SLC6A18: variants seen among roughly 807,000 people sequenced by gnomAD.
SLC6A18 encodes solute carrier family 6 member 18, also known as inactive sodium-dependent neutral amino acid transporter B(0)AT3.
In SLC6A18, 58 loss-of-function variants were observed where a neutral mutation model predicts 62.9. The observed-to-expected ratio is 0.92, with a 90% confidence interval of 0.75 to 1.15. SLC6A18 has a LOEUF of 1.15. SLC6A18 is among the 50% of genes most tolerant of loss of function. The probability of loss-of-function intolerance (pLI) is 0.00; values close to 1 mark genes in which losing one functional copy is unlikely to be tolerated. For synonymous variants in SLC6A18, 382 were observed against 365.8 expected (o/e 1.04, Z -0.51); for missense variants, 793 against 836.6 (o/e 0.95, Z 0.64).
chr5:1,232,774 T>G lies in SLC6A18; in HGVS notation c.325T>G (p.Phe109Val). 3 of 1,613,488 alleles carry G rather than the reference T, an allele frequency of 1.9e-6. No homozygotes were observed. Among genetic ancestry groups the G allele is most frequent in the Non-Finnish European group, 2.5e-6 (3 of 1,179,944 alleles). Reference protein sequence around the residue: ...GVGLGCVTLSFLISLYYNTIV... With the variant: ...GVGLGCVTLSVLISLYYNTIV... Reference sequence around the variant, plus strand: ...AGGGCTGGGCTGTGTCACGCTGTCCTTCCTGATCAGCCTGTACTACAACAC... The same window carrying G: ...AGGGCTGGGCTGTGTCACGCTGTCCGTCCTGATCAGCCTGTACTACAACAC... The change falls in exon 3 of 12, where the codon TTC becomes GTC. Residue 109 changes from phenylalanine (F) to valine (V), a missense_variant. Phe to Val is a conservative substitution (Grantham distance 50). Coordinates refer to ENST00000324642, the MANE Select transcript of SLC6A18 (RefSeq NM_182632.3).
chr5:1,246,087 G>C lies in SLC6A18; in HGVS notation c.*9G>C. 3 of 1,558,848 alleles carry C rather than the reference G, an allele frequency of 1.9e-6. No homozygotes were observed. The highest frequency in any genetic ancestry group is 2.6e-6 in the Non-Finnish European group (3 of 1,158,302). On this transcript the variant is annotated 3_prime_UTR_variant, in exon 12 of 12. Coordinates refer to ENST00000324642, the MANE Select transcript of SLC6A18 (RefSeq NM_182632.3). ...ACACGGACATGCGCTGAAGCCGGCC[G>C]GAGCGGGGCCTGCATGGGCGGGTCT...
rs148359610 is a variant in SLC6A18, at chr5:1,232,300, G to A, written c.242G>A (p.Arg81Gln). 34 of 1,612,528 alleles carry A rather than the reference G, an allele frequency of 2.1e-5. No individual in the cohort carries two copies. The highest frequency in any genetic ancestry group is 5.3e-5 in the African/African-American group (4 of 75,062). The change falls in exon 2 of 12, where the codon CGG (arginine) becomes CAG (glutamine). Residue 81 changes from arginine to glutamine, a missense_variant. Physicochemically the swap from Arg to Gln is conservative, Grantham distance 43 (BLOSUM62 1). Coordinates refer to ENST00000324642, the MANE Select transcript of SLC6A18 (RefSeq NM_182632.3). ...CACGTCGAGCTCGCCATCGGCCAGC[G>A]GCTGCGGAAGGGCAGCGTCGGCGTG... ...IFHVELAIGQ[R>Q]LRKGSVGVWT...
intron 1 of SLC6A18, among the ~76,000 whole-genome samples, chr5:1,227,891 C>A (rs1257252895): frequency 6.6e-6 from 1 of 152,188 alleles, no homozygotes; most frequent in Non-Finnish European, 1.5e-5. Context: ...AAGGTTTCAA[C>A]CCAGGAAGCT....
intron 1 of SLC6A18, among the ~76,000 whole-genome samples, chr5:1,226,698 C>G (rs560764990): frequency 6.6e-6 from 1 of 152,176 alleles, no homozygotes; most frequent in African/African-American, 2.4e-5. Flanking sequence ...GTGCATTGGG[C>G]CTTGGATCTT....
rs370903284 is a variant in SLC6A18 at position 1,235,637 on chromosome 5, T to C, written c.596T>C (p.Ile199Thr). Residue 199 changes from isoleucine (I) to threonine (T), a missense_variant, in exon 4 of 12, where the codon ATC (isoleucine) becomes ACC (threonine). By Grantham distance (89) the Ile-to-Thr change is moderately conservative. Coordinates refer to ENST00000324642, the MANE Select transcript of SLC6A18 (RefSeq NM_182632.3). Reference protein sequence around the residue: ...ASWAVVYMCVIRGIETTGKVI... With the variant: ...ASWAVVYMCVTRGIETTGKVI... The stretch of plus-strand genomic sequence containing the variant: ...TGGGCAGTCGTGTACATGTGTGTCA[T>C]CAGGGGCATTGAGACTACAGGGAAG... 2.5e-6 allele frequency: 4 copies of C among 1,613,810 alleles called. No homozygotes were observed. In the African/African-American group the frequency reaches 4.0e-5, roughly 16 times the overall value.
Position 1,232,188 on chromosome 5 carries a change from T to TGGGCAAGTAGCATCC in SLC6A18, c.161-26_161-25insAGTAGCATCCGGGCA, listed in dbSNP as rs778050003. The TGGGCAAGTAGCATCC allele has an allele frequency of 3.3e-6, 5 of 1,515,234 alleles. No individual in the cohort carries two copies. The Admixed American group carries it at 8.6e-5, about 26-fold the overall frequency. 93.9% of individuals were successfully genotyped at this position (1,515,234 alleles called of 1,614,324 possible). ...CACAGTCCCCCCCAGCCCCCGACCC[T>TGGGCAAGTAGCATCC]GGGCAGGTGCTGACCACCCCCTCCT... On this transcript the variant is annotated intron_variant, in intron 1 of 11. Coordinates refer to ENST00000324642, the MANE Select transcript of SLC6A18 (RefSeq NM_182632.3).
At chr5:1,229,031 G>A (rs1462173455) in intron 1 of SLC6A18, among the ~76,000 whole-genome samples, 9 of 152,322 alleles carry the variant, frequency 5.9e-5, no homozygotes, top group Non-Finnish European at 1.2e-4. Context: ...GCAGGCCGGG[G>A]AAAGTGCCCT....
rs549321066 is a variant in SLC6A18, at chr5:1,227,118, G to A, written c.160+1481G>A. On this transcript the variant is annotated intron_variant, in intron 1 of 11. Coordinates refer to ENST00000324642, the MANE Select transcript of SLC6A18 (RefSeq NM_182632.3). ...GCCCGCCGACGCCTTGCCCGCCGAC[G>A]CCTTGCCCGTCGATGCCTTGCCCGC... Among the ~76,000 whole-genome samples, 306 of 147,032 alleles carry A rather than the reference G, an allele frequency of 2.1e-3. 1 individual carries two copies. The highest frequency in any genetic ancestry group is 0.014 in the Middle Eastern group (4 of 280).
chr5:1,240,486 A>G, intron 6 of SLC6A18, 45 bp from the exon 7 acceptor site: 1 of 1,609,970 alleles, frequency 6.2e-7, no homozygotes, highest in Non-Finnish European at 8.5e-7. Flanking sequence ...GATGAGGCCC[A>G]GTTACCTCCT....
At chr5:1,238,161 G>A in intron 5 of SLC6A18, 101 bp downstream of exon 5, 1 of 933,928 alleles carries the variant, frequency 1.1e-6, no homozygotes, top group Non-Finnish European at 1.7e-6. Context: ...GAGGCCAGGA[G>A]CCACTCCAGC....
intron 3 of SLC6A18, among the ~76,000 whole-genome samples, chr5:1,234,690 C>T (rs1038129677): frequency 1.3e-5 from 2 of 152,264 alleles, no homozygotes; most frequent in African/African-American, 4.8e-5. Flanking sequence ...GGGGCCAGCT[C>T]TGCCCATGCC....
rs372103685 is a variant in SLC6A18 at position 1,237,970 on chromosome 5, G to A, written c.642G>A (p.Leu214=). 8.1e-6 allele frequency: 13 copies of A among 1,614,182 alleles called. No individual in the cohort carries two copies. Among genetic ancestry groups the A allele is most frequent in the Non-Finnish European group, 1.0e-5 (12 of 1,180,016 alleles). Residue 214 remains leucine (L), a synonymous_variant, in exon 5 of 12, where the codon TTG becomes TTA. Transcript: ENST00000324642. The part of the protein sequence containing the change: ...TTGKVIYFTA[L]FPYLVLTIFL... The stretch of plus-strand genomic sequence containing the variant: ...TCAAGGTGATTTACTTCACAGCTTT[G>A]TTCCCTTACCTGGTCCTGACCATCT...
chr5:1,246,120 G>A lies in SLC6A18; in HGVS notation c.*42G>A, dbSNP rs924665202. The A allele has an allele frequency of 7.2e-6, 11 of 1,521,406 alleles. No homozygotes were observed. The African/African-American group carries it at 8.4e-5, about 12-fold the overall frequency. The allele number at this position is 1,521,406 out of a possible 1,614,324, so 94.2% of individuals were successfully genotyped here. On this transcript the variant is annotated 3_prime_UTR_variant, in exon 12 of 12. Transcript: ENST00000324642. ...GCCTGCATGGGCGGGTCTGTGGGGG[G>A]GCTTGGCCTGATGGTGGGCGGGGCC... is the stretch of plus-strand genomic sequence containing the variant.
intron 3 of SLC6A18, among the ~76,000 whole-genome samples, chr5:1,234,172 C>T (rs1746825571): frequency 6.6e-6 from 1 of 152,244 alleles, no homozygotes; most frequent in Non-Finnish European, 1.5e-5. Context: ...GTGTGAGCCA[C>T]TGCACTCAAC....
At position 1,235,587 on chromosome 5, in the gene SLC6A18, G is replaced by C; in HGVS notation, c.546G>C (p.Trp182Cys). Residue 182 changes from tryptophan (W) to cysteine (C), a missense_variant, in exon 4 of 12, where the codon TGG (tryptophan) becomes TGC (cysteine). By Grantham distance (215) the Trp-to-Cys change is radical (BLOSUM62 -2). Transcript: ENST00000324642. ...DINDSGSIQW[W>C]LLICLAASWA... ...ATGACAGTGGCTCCATCCAGTGGTG[G>C]CTGCTCATCTGCTTGGCAGCCTCCT... 1 of 1,614,074 alleles carries C rather than the reference G, an allele frequency of 6.2e-7. No individual in the cohort carries two copies. The highest frequency in any genetic ancestry group is 8.5e-7 in the Non-Finnish European group (1 of 1,180,040).
At chr5:1,229,514 T>C (rs1446099147) in intron 1 of SLC6A18, among the ~76,000 whole-genome samples, 1 of 151,932 alleles carries the variant, frequency 6.6e-6, no homozygotes, top group Non-Finnish European at 1.5e-5. Flanking sequence ...AGAGCAAGGG[T>C]CAATGGGGCC....
rs1579525054 is a variant in SLC6A18, at chr5:1,229,719, C to T, written c.161-2500C>T. On this transcript the variant is annotated intron_variant, in intron 1 of 11. Coordinates refer to ENST00000324642, the MANE Select transcript of SLC6A18 (RefSeq NM_182632.3). ...GGATGGGTGGCTGGTCACACACCAGCCTTGAGACCTCAGGTGCAGGCTGGA... is the reference window on the plus strand; with the variant it reads ...GGATGGGTGGCTGGTCACACACCAGTCTTGAGACCTCAGGTGCAGGCTGGA... Among the ~76,000 whole-genome samples the T allele has an allele frequency of 2.0e-5, 3 of 152,216 alleles. No individual in the cohort carries two copies. The East Asian group carries it at 5.8e-4, about 29-fold the overall frequency.
At position 1,238,418 on chromosome 5, in the gene SLC6A18, C is replaced by A. The variant is rs1208038089; in HGVS notation, c.732+358C>A. Among the ~76,000 whole-genome samples the A allele has an allele frequency of 6.7e-3, 231 of 34,598 alleles. 4 individuals carry two copies. Among genetic ancestry groups the A allele is most frequent in the African/African-American group, 0.017 (73 of 4,202 alleles). 22.7% of individuals were successfully genotyped at this position (34,598 alleles called of 152,430 possible). A position where few individuals can be genotyped will look rare whatever the true frequency, so the allele number is the denominator to read the frequency against. On this transcript the variant is annotated intron_variant, in intron 5 of 11. Transcript: ENST00000324642. ...GGTCAGGTTTGGAGTGGGCCTGGGG[C>A]CTCAGGAAAGAGGTCAGGTTTGGAG...
At chr5:1,234,241 T>G (rs1561176940) in intron 3 of SLC6A18, among the ~76,000 whole-genome samples, 1 of 152,244 alleles carries the variant, frequency 6.6e-6, no homozygotes. Context: ...CTTTCCTTCC[T>G]GCCTTTTGCT....
Sources: gnomAD v4.1 joint callset for allele counts (sites outside exome capture counted in the v4.1 genomes callset) on GRCh38, gnomAD v4.1.1 for gene constraint, MANE v1.5 for transcripts, NCBI Gene and HGNC (gene_info 2026-07-23, HGNC 2026-07-21) for gene names.